The following MAP3K1 variants were observed in gnomAD, a reference collection of about 807,000 sequenced individuals.
MAP3K1 encodes mitogen-activated protein kinase kinase kinase 1, also known as MAP/ERK kinase kinase 1.
Under a neutral mutation model 144.2 loss-of-function variants are expected in MAP3K1, and 36 were observed. That is an observed-to-expected ratio of 0.25 (90% CI 0.19 to 0.33). MAP3K1 has a LOEUF of 0.33. Ranked by LOEUF, MAP3K1 falls within the 10% of genes least tolerant of loss-of-function variation. The pLI is 1.00. For synonymous variants in MAP3K1, 718 were observed against 688.7 expected, an observed-to-expected ratio of 1.04 and a Z score of -0.67; for missense variants, 1,650 against 1,881.9, an observed-to-expected ratio of 0.88 and a Z score of 2.28.
intron 1 of MAP3K1, among the ~76,000 whole-genome samples, chr5:56,818,757 A>G (rs1000097153): frequency 2.4e-4 from 36 of 152,154 alleles, no homozygotes; most frequent in African/African-American, 7.0e-4. Context: ...TATTTTTGTA[A>G]CTTAAAAAAC....
rs141202674 is a variant in MAP3K1, at chr5:56,866,562, T to A, written c.1301+585T>A. Among the ~76,000 whole-genome samples the A allele has an allele frequency of 4.6e-3, 699 of 152,308 alleles. 15 individuals are homozygous for A. The highest frequency in any genetic ancestry group is 0.016 in the African/African-American group (651 of 41,568). On this transcript the variant is annotated intron_variant, in intron 6 of 19. Coordinates refer to ENST00000399503, the MANE Select transcript of MAP3K1 (RefSeq NM_005921.2). Reference sequence around the variant, plus strand: ...GTATATTGCTTTATTGGTTTTAGTGTAAAAATTAGATTTTTAAAAATTAAT... The same window carrying A: ...GTATATTGCTTTATTGGTTTTAGTGAAAAAATTAGATTTTTAAAAATTAAT...
intron 3 of MAP3K1, among the ~76,000 whole-genome samples, chr5:56,863,391 T>G (rs1420136860): frequency 6.6e-6 from 1 of 152,252 alleles, no homozygotes; most frequent in Non-Finnish European, 1.5e-5. Flanking sequence ...TTCATATAAA[T>G]GGGATCACTT....
Position 56,865,840 on chromosome 5 carries a change from G to T in MAP3K1, c.1164G>T (p.Leu388Phe). Residue 388 changes from leucine (L) to phenylalanine (F), a missense_variant, in exon 6 of 20, where the codon TTG becomes TTT. Coordinates refer to ENST00000399503, the MANE Select transcript of MAP3K1 (RefSeq NM_005921.2). The stretch of plus-strand genomic sequence containing the variant: ...TTTTCCAATGTTAGGTTGAGAGTTT[G>T]TTCCAGAAATATCACAGTAGGCGTA... ...KTLKNFEVES[L>F]FQKYHSRRSS... 6.2e-7 allele frequency: 1 copy of T among 1,614,094 alleles called. No homozygotes were observed. The highest frequency in any genetic ancestry group is 8.5e-7 in the Non-Finnish European group (1 of 1,179,962).
rs1745920039 is a variant in MAP3K1, at chr5:56,815,605, C to T, written c.32C>T (p.Ser11Leu). 13 of 1,309,586 alleles carry T rather than the reference C, an allele frequency of 9.9e-6. No individual in the cohort carries two copies. The highest frequency in any genetic ancestry group is 3.1e-5 in the East Asian group (1 of 31,984). The allele number at this position is 1,309,586 out of a possible 1,614,324, so 81.1% of individuals were successfully genotyped here. Residue 11 changes from serine to leucine, a missense_variant, in exon 1 of 20, where the codon TCG becomes TTG. Transcript: ENST00000399503. ...GCGGCGGCGGGGAATCGCGCCTCGT[C>T]GTCGGGATTCCCGGGCGCCAGGGCT... MAAAAGNRASSSGFPGARATS... is the reference protein window; with the variant it reads MAAAAGNRASLSGFPGARATS...
intron 9 of MAP3K1, 74 bp from the exon 10 acceptor site, chr5:56,874,958 T>C (rs1747976345): frequency 6.7e-7 from 1 of 1,487,950 alleles, no homozygotes. Flanking sequence ...TAATCAAAAA[T>C]GATGCTAAAC....
At chr5:56,824,975 G>A (rs1323040103) in intron 1 of MAP3K1, among the ~76,000 whole-genome samples, 1 of 151,174 alleles carries the variant, frequency 6.6e-6, no homozygotes, top group Non-Finnish European at 1.5e-5. Flanking sequence ...GAGTCTTAAA[G>A]ATATTTTTCT....
At chr5:56,840,425 G>A (rs1344576831) in intron 1 of MAP3K1, among the ~76,000 whole-genome samples, 1 of 152,154 alleles carries the variant, frequency 6.6e-6, no homozygotes, top group East Asian at 1.9e-4. Flanking sequence ...TGGGATTACA[G>A]GCATGAGCCA....
At chr5:56,833,885 A>G (rs1401407498) in intron 1 of MAP3K1, among the ~76,000 whole-genome samples, 3 of 152,118 alleles carry the variant, frequency 2.0e-5, no homozygotes, top group African/African-American at 7.2e-5. Context: ...TTACTAGTGA[A>G]ATAAGTTAAC....
At chr5:56,858,548 G>A (rs546567019) in intron 2 of MAP3K1, among the ~76,000 whole-genome samples, 35 of 152,184 alleles carry the variant, frequency 2.3e-4, no homozygotes, top group Admixed American at 9.8e-4. Context: ...TTACTTGGGA[G>A]GTCTGATTTT....
rs1745927190 is a variant in MAP3K1, at chr5:56,815,752, G to GGCA, written c.182_184dup (p.Gln61dup). On this transcript the variant is annotated inframe_insertion, in exon 1 of 20. Coordinates refer to ENST00000399503, the MANE Select transcript of MAP3K1 (RefSeq NM_005921.2). Reference sequence around the variant, plus strand: ...CGCGAGCGGGCGGACTGGCGGCGGCGGCAGCTGCGCAAAGTGCGGAGTGTG... The same window carrying GGCA: ...CGCGAGCGGGCGGACTGGCGGCGGCGGCAGCAGCTGCGCAAAGTGCGGAGTGTG... The GGCA allele has an allele frequency of 7.3e-7, 1 of 1,370,826 alleles. No homozygotes were observed. Among genetic ancestry groups the GGCA allele is most frequent in the Non-Finnish European group, 9.4e-7 (1 of 1,058,362 alleles). The allele number at this position is 1,370,826 out of a possible 1,614,324, so 84.9% of individuals were successfully genotyped here.
Position 56,881,284 on chromosome 5 carries a change from T to C in MAP3K1, c.2369+12T>C. ...CCTGTTGAAATCAGGTAATTTTTCT[T>C]CTGAAAATGTATTACTTGTATCTTC... On this transcript the variant is annotated intron_variant, in intron 13 of 19. Transcript: ENST00000399503. 6.2e-7 allele frequency: 1 copy of C among 1,605,492 alleles called. No individual in the cohort carries two copies. The highest frequency in any genetic ancestry group is 8.5e-7 in the Non-Finnish European group (1 of 1,173,378).
In MAP3K1 at chr5:56,858,135, A is replaced by G. The variant is rs1012980462; in HGVS notation, c.633+1385A>G. On this transcript the variant is annotated intron_variant, in intron 2 of 19. Coordinates refer to ENST00000399503, the MANE Select transcript of MAP3K1 (RefSeq NM_005921.2). Reference sequence around the variant, plus strand: ...ATCTTGTAGAATGTTGGCAGTTAAAAGGGCATATTACTACTCAATCAATAT... The same window carrying G: ...ATCTTGTAGAATGTTGGCAGTTAAAGGGGCATATTACTACTCAATCAATAT... 2.0e-5 allele frequency among the ~76,000 whole-genome samples: 3 copies of G among 152,226 alleles called. No individual in the cohort carries two copies. The South Asian group carries it at 6.2e-4, about 31-fold the overall frequency.
chr5:56,861,568 T>C (rs1177498411), intron 3 of MAP3K1, among the ~76,000 whole-genome samples: 1 of 114,194 alleles, frequency 8.8e-6, no homozygotes, highest in African/African-American at 3.4e-5. Flanking sequence ...GTGAGACTCC[T>C]AAAAAAAAAA....
intron 6 of MAP3K1, among the ~76,000 whole-genome samples, chr5:56,867,333 G>A (rs57801687): frequency 0.039 from 5,901 of 152,040 alleles, 399 homozygotes; most frequent in African/African-American, 0.13. Context: ...TTTTTGTTTC[G>A]TATAACCACT....
At chr5:56,824,921 T>C (rs1746264925) in intron 1 of MAP3K1, among the ~76,000 whole-genome samples, 1 of 152,138 alleles carries the variant, frequency 6.6e-6, no homozygotes, top group Non-Finnish European at 1.5e-5. Flanking sequence ...ATACTGATCT[T>C]TTCCGGTTTT....
intron 1 of MAP3K1, among the ~76,000 whole-genome samples, chr5:56,846,993 CTACATT>C (rs144483566): frequency 0.099 from 15,027 of 152,160 alleles, 1,187 homozygotes; most frequent in East Asian, 0.34. Flanking sequence ...AATCTGCCAG[CTACATT>C]TCTGAGAGAC....
intron 3 of MAP3K1, among the ~76,000 whole-genome samples, chr5:56,863,994 G>C (rs943145984): frequency 6.6e-6 from 1 of 152,168 alleles, no homozygotes; most frequent in Non-Finnish European, 1.5e-5. Flanking sequence ...TTCCATGGCA[G>C]CGTTTGTAAA....
intron 1 of MAP3K1, among the ~76,000 whole-genome samples, chr5:56,842,549 A>G (rs762946049): frequency 6.6e-6 from 1 of 152,206 alleles, no homozygotes; most frequent in Non-Finnish European, 1.5e-5. Flanking sequence ...GATAGTAGTA[A>G]TTCAGTTTAT....
rs1290515612 is a variant in MAP3K1 at position 56,815,686 on chromosome 5, C to A, written c.113C>A (p.Ala38Glu). ...GGALKASSAP[A>E]AAAGLLREAG... ...GCCCTCAAGGCGAGCAGCGCGCCCG[C>A]GGCTGCCGCGGGACTGCTGCGGGAG... Residue 38 changes from alanine to glutamate, a missense_variant, in exon 1 of 20, where the codon GCG becomes GAG. This residue lies in a region of MAP3K1 where 360 missense variants were observed against 274.7 expected (regional missense o/e 1.31). Coordinates refer to ENST00000399503, the MANE Select transcript of MAP3K1 (RefSeq NM_005921.2). 7.7e-7 allele frequency: 1 copy of A among 1,302,804 alleles called. No homozygotes were observed. Among genetic ancestry groups the A allele is most frequent in the South Asian group, 2.4e-5 (1 of 42,122 alleles). 80.7% of individuals were successfully genotyped at this position (1,302,804 alleles called of 1,614,324 possible).
Sources: allele counts gnomAD v4.1 joint callset (sites outside exome capture counted in the v4.1 genomes callset), GRCh38; gene constraint gnomAD v4.1.1; regional missense constraint gnomAD v4.1.1; transcripts MANE v1.5; gene names NCBI Gene and HGNC (gene_info 2026-07-23, HGNC 2026-07-21).